The following OTOGL variants were observed in gnomAD, a reference collection of about 807,000 sequenced individuals.
OTOGL encodes the protein otogelin like.
Under a neutral mutation model 318.5 loss-of-function variants are expected in OTOGL, and 285 were observed. The ratio of observed to expected loss-of-function variants is 0.89; its 90% CI spans 0.81 to 0.99. The LOEUF (loss-of-function observed/expected upper bound fraction) is 0.99, where lower values mean the gene tolerates loss of function less well. Ranked by LOEUF, OTOGL falls within the 50% of genes least tolerant of loss-of-function variation. The pLI is 0.00. For synonymous variants in OTOGL, 987 were observed against 936.5 expected, an observed-to-expected ratio of 1.05 and a Z score of -0.99; for missense variants, 2,899 against 2,845.6, an observed-to-expected ratio of 1.02 and a Z score of -0.43.
intron 26 of OTOGL, among the ~76,000 whole-genome samples, chr12:80,293,457 G>A (rs1423939506): frequency 1.3e-5 from 2 of 152,068 alleles, no homozygotes; most frequent in Non-Finnish European, 2.9e-5. Context: ...AGAACCTTAT[G>A]AAGGTGTCAA....
intron 24 of OTOGL, 58 bp from the exon 25 acceptor site, chr12:80,278,110 A>C (rs1034300667): frequency 1.5e-6 from 2 of 1,317,978 alleles, no homozygotes; most frequent in African/African-American, 3.0e-5. Flanking sequence ...GATTACTGAT[A>C]TTTTAAAACT....
At chr12:80,342,690 A>G (rs1888859361) in intron 44 of OTOGL, among the ~76,000 whole-genome samples, 1 of 152,188 alleles carries the variant, frequency 6.6e-6, no homozygotes. Context: ...TCACTTAACT[A>G]TAATTTAGTG....
Position 80,128,350 on chromosome 12 carries a change from C to G in OTOGL, c.-20+28745C>G, listed in dbSNP as rs189573541. Among the ~76,000 whole-genome samples, 798 of 152,338 alleles carry G rather than the reference C, an allele frequency of 5.2e-3. 10 individuals carry two copies. The highest frequency in any genetic ancestry group is 0.018 in the African/African-American group (757 of 41,574). ...GGTTTCAGCAGCGGAGGCTGCAGAA[C>G]AGTGGATATTGGTGAACAGCAAATG... On this transcript the variant is annotated intron_variant, in intron 1 of 58. Coordinates refer to ENST00000547103, the MANE Select transcript of OTOGL (RefSeq NM_001378609.3).
intron 13 of OTOGL, among the ~76,000 whole-genome samples, chr12:80,252,536 A>G (rs1401929493): frequency 1.3e-5 from 2 of 152,186 alleles, no homozygotes; most frequent in Admixed American, 1.3e-4. Flanking sequence ...GAAAGGTTTC[A>G]CATTTTTCTG....
intron 9 of OTOGL, 31 bp downstream of exon 9, chr12:80,233,128 C>T: frequency 6.6e-7 from 1 of 1,518,184 alleles, no homozygotes; most frequent in Admixed American, 1.8e-5. Flanking sequence ...GTGTGGGTAC[C>T]TTCTAAAGCC....
In OTOGL at chr12:80,355,958, C is replaced by T. The variant is rs762481286; in HGVS notation, c.5806+10C>T. 2 of 1,611,074 alleles carry T rather than the reference C, an allele frequency of 1.2e-6. No individual in the cohort carries two copies. Among genetic ancestry groups the T allele is most frequent in the Admixed American group, 3.3e-5 (2 of 59,996 alleles). ...TCAAAGGAAGTTTGTGGTATGTATG[C>T]AGAAGCCTTATAGTCAATTGATTCC... On this transcript the variant is annotated intron_variant, in intron 47 of 58. Coordinates refer to ENST00000547103, the MANE Select transcript of OTOGL (RefSeq NM_001378609.3).
intron 28 of OTOGL, 107 bp from the exon 29 acceptor site, chr12:80,305,469 A>G: frequency 1.0e-6 from 1 of 995,108 alleles, no homozygotes. Flanking sequence ...ATTGCTGTGA[A>G]AATGCTTAAA....
At chr12:80,191,208 C>T (rs565884993) in intron 1 of OTOGL, among the ~76,000 whole-genome samples, 2 of 152,282 alleles carry the variant, frequency 1.3e-5, no homozygotes, top group South Asian at 2.1e-4. Flanking sequence ...GAGGCTGAGG[C>T]GGGCAGATCA....
At chr12:80,268,896 C>G (rs1284772064) in intron 22 of OTOGL, among the ~76,000 whole-genome samples, 2 of 141,242 alleles carry the variant, frequency 1.4e-5, no homozygotes, top group Non-Finnish European at 3.0e-5. Flanking sequence ...TGTATGTAAA[C>G]TTAGCAAAAA....
chr12:80,358,339 G>A lies in OTOGL; in HGVS notation c.6111G>A (p.Gln2037=), dbSNP rs1477712956. Residue 2037 remains glutamine, a synonymous_variant, in exon 50 of 59, where the codon CAG becomes CAA. Transcript: ENST00000547103. ...DLNSTHFCCP[Q]YYCVCEPNLC... is the part of the protein sequence containing the mutation. ...ATAGCACACACTTCTGTTGTCCTCAGTATTACTGTGGTAAGTGTATATTAA... is the reference window on the plus strand; with the variant it reads ...ATAGCACACACTTCTGTTGTCCTCAATATTACTGTGGTAAGTGTATATTAA... The A allele has an allele frequency of 6.3e-7, 1 of 1,591,620 alleles. No individual in the cohort carries two copies.
At chr12:80,226,840 A>T (rs1878903334) in intron 7 of OTOGL, among the ~76,000 whole-genome samples, 1 of 152,150 alleles carries the variant, frequency 6.6e-6, no homozygotes, top group Admixed American at 6.6e-5. Flanking sequence ...GAAAGGGAAG[A>T]TACTTTCCTG....
intron 1 of OTOGL, among the ~76,000 whole-genome samples, chr12:80,121,310 T>G (rs1870474458): frequency 6.6e-6 from 1 of 152,180 alleles, no homozygotes; most frequent in Admixed American, 6.5e-5. Context: ...GATTTCTATG[T>G]GTATGCAGCT....
intron 1 of OTOGL, chr12:80,132,747 A>G (rs1871317825): frequency 6.6e-6 from 1 of 152,232 alleles, no homozygotes; most frequent in South Asian, 2.1e-4. Context: ...AAATGTAAAG[A>G]TTGTCTGCTG....
At chr12:80,172,743 C>G (rs376498763) in intron 1 of OTOGL, among the ~76,000 whole-genome samples, 1 of 152,228 alleles carries the variant, frequency 6.6e-6, no homozygotes, top group South Asian at 2.1e-4. Context: ...GGCACGATCT[C>G]GGCTCACCGC....
At chr12:80,258,594 C>A (rs1469504800) in intron 18 of OTOGL, among the ~76,000 whole-genome samples, 1 of 152,070 alleles carries the variant, frequency 6.6e-6, no homozygotes, top group Non-Finnish European at 1.5e-5. Context: ...TGAAAAGAAG[C>A]AGTTTATAAT....
rs946018841 is a variant in OTOGL, at chr12:80,236,112, C to A, written c.818-2739C>A. 3.9e-5 allele frequency among the ~76,000 whole-genome samples: 6 copies of A among 152,110 alleles called. No individual in the cohort carries two copies. In the East Asian group the frequency reaches 9.6e-4, roughly 24 times the overall value. ...ATTTCTCTCTGCATTCCAACTCATC[C>A]TTCAGGGATGACTTCACAAAGAAAT... On this transcript the variant is annotated intron_variant, in intron 9 of 58. Transcript: ENST00000547103.
chr12:80,358,350 G>A lies in OTOGL; in HGVS notation c.6121+1G>A. On this transcript the variant is annotated splice_donor_variant, in intron 50 of 58. Transcript: ENST00000547103. LOFTEE classifies it high-confidence loss of function. Reference sequence around the variant, plus strand: ...TTCTGTTGTCCTCAGTATTACTGTGGTAAGTGTATATTAACTATTCTAAAA... The same window carrying A: ...TTCTGTTGTCCTCAGTATTACTGTGATAAGTGTATATTAACTATTCTAAAA... 2 of 1,575,072 alleles carry A rather than the reference G, an allele frequency of 1.3e-6. No homozygotes were observed. The highest frequency in any genetic ancestry group is 1.7e-6 in the Non-Finnish European group (2 of 1,148,652).
chr12:80,280,798 T>C (rs1026961996), intron 26 of OTOGL, among the ~76,000 whole-genome samples: 1 of 151,926 alleles, frequency 6.6e-6, no homozygotes, highest in Admixed American at 6.6e-5. Flanking sequence ...ATGGCCATTT[T>C]AACAATATCG....
At chr12:80,159,596 A>G (rs552973059) in intron 1 of OTOGL, among the ~76,000 whole-genome samples, 1 of 152,272 alleles carries the variant, frequency 6.6e-6, no homozygotes, top group East Asian at 1.9e-4. Flanking sequence ...GAAAGAAATC[A>G]TAGATGGCAC....
Sources: gnomAD v4.1 joint callset for allele counts (sites outside exome capture counted in the v4.1 genomes callset) on GRCh38, gnomAD v4.1.1 for gene constraint, MANE v1.5 for transcripts, NCBI Gene and HGNC (gene_info 2026-07-23, HGNC 2026-07-21) for gene names.